The following PPM1H variants were observed in gnomAD, a reference collection of about 807,000 sequenced individuals.
The protein encoded by PPM1H is protein phosphatase, Mg2+/Mn2+ dependent 1H, also known as protein phosphatase 1H.
A neutral mutation model predicts 54.9 loss-of-function variants in PPM1H; 27 were observed. The ratio of observed to expected loss-of-function variants is 0.49; its 90% CI spans 0.36 to 0.68. The LOEUF (loss-of-function observed/expected upper bound fraction) is 0.68. Ranked by LOEUF, PPM1H falls within the 30% of genes least tolerant of loss-of-function variation. The pLI, the probability that PPM1H is intolerant of heterozygous loss-of-function variation, is 0.00. For synonymous variants in PPM1H, 305 were observed against 270.8 expected, an observed-to-expected ratio of 1.13 and a Z score of -1.24; for missense variants, 596 against 667.8, an observed-to-expected ratio of 0.89 and a Z score of 1.19.
Position 62,755,270 on chromosome 12 carries a change from G to T in PPM1H, c.870-17684C>A. ...GTCAATGGATTTGGTTGTATTGGGT[G>T]CCTAGTCACCAGGGCGGTTTTTAAC... On this transcript the variant is annotated intron_variant, in intron 4 of 9. Transcript: ENST00000228705. 3 of 763,582 alleles carry T rather than the reference G, an allele frequency of 3.9e-6. No homozygotes were observed. In the Admixed American group the frequency reaches 5.2e-5, roughly 13 times the overall value. 47.3% of individuals were successfully genotyped at this position (763,582 alleles called of 1,614,324 possible). A position where few individuals can be genotyped will look rare whatever the true frequency, so the allele number is the denominator to read the frequency against.
At chr12:62,755,942 AAT>A in intron 4 of PPM1H, 1 of 850,176 alleles carries the variant, frequency 1.2e-6, no homozygotes, top group Admixed American at 1.9e-5. Context: ...CCCTACTGCC[AAT>A]GTGTCAGTTG....
intron 3 of PPM1H, among the ~76,000 whole-genome samples, chr12:62,799,465 A>T (rs746573261): frequency 2.0e-5 from 3 of 152,244 alleles, no homozygotes. Flanking sequence ...TTACATTACA[A>T]GGAGAGCCCA....
chr12:62,717,667 A>G (rs1226807129), intron 6 of PPM1H, among the ~76,000 whole-genome samples: 1 of 152,142 alleles, frequency 6.6e-6, no homozygotes, highest in East Asian at 1.9e-4. Context: ...AAAAACAAAA[A>G]CAAAAAACAA....
chr12:62,714,615 G>A (rs1019545083), intron 6 of PPM1H, among the ~76,000 whole-genome samples: 4 of 152,062 alleles, frequency 2.6e-5, no homozygotes, highest in South Asian at 2.1e-4. Flanking sequence ...AAGTATTTAC[G>A]AGAGACCTAG....
At chr12:62,865,222 C>T (rs1221846062) in intron 1 of PPM1H, among the ~76,000 whole-genome samples, 1 of 152,156 alleles carries the variant, frequency 6.6e-6, no homozygotes, top group Admixed American at 6.5e-5. Flanking sequence ...AGGATCTGGT[C>T]CAAGCTTTTC....
chr12:62,753,447 T>C (rs2076453449), intron 4 of PPM1H, among the ~76,000 whole-genome samples: 1 of 152,238 alleles, frequency 6.6e-6, no homozygotes, highest in South Asian at 2.1e-4. Context: ...TTTGTAACAA[T>C]GCCCAAATCT....
chr12:62,758,793 T>G (rs1488391947), intron 4 of PPM1H, among the ~76,000 whole-genome samples: 1 of 152,186 alleles, frequency 6.6e-6, no homozygotes, highest in East Asian at 1.9e-4. Context: ...GAGCCCAAGC[T>G]AAGCCATCAT....
At chr12:62,789,048 C>T (rs2076689634) in intron 3 of PPM1H, among the ~76,000 whole-genome samples, 1 of 152,118 alleles carries the variant, frequency 6.6e-6, no homozygotes, top group Non-Finnish European at 1.5e-5. Flanking sequence ...AGAAGGTTTG[C>T]TCTGTCACCC....
At chr12:62,900,392 T>TG (rs1213388927) in intron 1 of PPM1H, among the ~76,000 whole-genome samples, 7 of 139,090 alleles carry the variant, frequency 5.0e-5, no homozygotes, top group East Asian at 2.1e-4. Flanking sequence ...TGTTGTGGGG[T>TG]GGGGTAGGGG....
chr12:62,667,862 G>A (rs1045929138), intron 8 of PPM1H, among the ~76,000 whole-genome samples: 2 of 152,130 alleles, frequency 1.3e-5, no homozygotes, highest in Non-Finnish European at 2.9e-5. Flanking sequence ...TAGGAGTAAC[G>A]AGACATTCTA....
intron 1 of PPM1H, among the ~76,000 whole-genome samples, chr12:62,924,678 G>A (rs1363612602): frequency 2.0e-5 from 3 of 152,136 alleles, no homozygotes; most frequent in African/African-American, 7.2e-5. Flanking sequence ...TAATATTCAG[G>A]GAAACCCGAG....
At chr12:62,822,620 G>A (rs2076911157) in intron 2 of PPM1H, among the ~76,000 whole-genome samples, 2 of 152,282 alleles carry the variant, frequency 1.3e-5, no homozygotes, top group African/African-American at 4.8e-5. Flanking sequence ...CATGGAAACT[G>A]AACAACCTGC....
chr12:62,893,586 A>G (rs970342445), intron 1 of PPM1H, among the ~76,000 whole-genome samples: 1 of 151,850 alleles, frequency 6.6e-6, no homozygotes, highest in Non-Finnish European at 1.5e-5. Context: ...CCTCCCAGGT[A>G]GCTGGGACTA....
intron 1 of PPM1H, among the ~76,000 whole-genome samples, chr12:62,890,737 CACACACACACACACACACAT>C (rs1304766214): frequency 1.3e-5 from 2 of 151,342 alleles, no homozygotes; most frequent in African/African-American, 4.9e-5. Context: ...CACACACACA[CACACACACACACACACACAT>C]ATATATATAT....
intron 2 of PPM1H, among the ~76,000 whole-genome samples, chr12:62,816,806 T>G (rs2120795149): frequency 6.6e-6 from 1 of 151,878 alleles, no homozygotes; most frequent in South Asian, 2.1e-4. Context: ...CACTTAAAGC[T>G]GTGGGAAGTC....
intron 1 of PPM1H, among the ~76,000 whole-genome samples, chr12:62,933,378 G>C (rs1332716061): frequency 6.6e-6 from 1 of 152,064 alleles, no homozygotes; most frequent in Non-Finnish European, 1.5e-5. Flanking sequence ...ACCAGAACAG[G>C]GTCAGCATCA....
chr12:62,715,277 C>CT (rs1450917322), intron 6 of PPM1H, among the ~76,000 whole-genome samples: 1 of 152,134 alleles, frequency 6.6e-6, no homozygotes. Context: ...TGGGCCCCAG[C>CT]TTGGGGATTC....
At position 62,859,459 on chromosome 12, in the gene PPM1H, T is replaced by G. The variant is rs1444266641; in HGVS notation, c.246-27180A>C. Among the ~76,000 whole-genome samples, 8 of 152,188 alleles carry G rather than the reference T, an allele frequency of 5.3e-5. No homozygotes were observed. The South Asian group carries it at 1.7e-3, about 32-fold the overall frequency. The stretch of plus-strand genomic sequence containing the variant: ...CAGCATGGTGCATTATCTTTAATAA[T>G]AGCACTGGCCACATTTTGGAGGAAG... On this transcript the variant is annotated intron_variant, in intron 1 of 9. Coordinates refer to ENST00000228705, the MANE Select transcript of PPM1H (RefSeq NM_020700.2).
At chr12:62,886,137 G>C (rs1283803894) in intron 1 of PPM1H, among the ~76,000 whole-genome samples, 1 of 152,172 alleles carries the variant, frequency 6.6e-6, no homozygotes, top group African/African-American at 2.4e-5. Flanking sequence ...GGTTAGCCCA[G>C]TTGCTTTTTA....
Sources: allele counts gnomAD v4.1 joint callset (sites outside exome capture counted in the v4.1 genomes callset), GRCh38; gene constraint gnomAD v4.1.1; transcripts MANE v1.5; gene names NCBI Gene and HGNC (gene_info 2026-07-23, HGNC 2026-07-21).